NCBP3: variants seen among roughly 807,000 people sequenced by gnomAD.
NCBP3 encodes nuclear cap-binding protein subunit 3.
NCBP3 carries 20 observed loss-of-function variants against 75.7 expected under a neutral mutation model. That is an observed-to-expected ratio of 0.26 (90% CI 0.19 to 0.38). The LOEUF is 0.38. Ranked by LOEUF, NCBP3 falls within the 10% of genes least tolerant of loss-of-function variation. The probability of loss-of-function intolerance (pLI) is 1.00; values close to 1 mark genes in which losing one functional copy is unlikely to be tolerated. For synonymous variants in NCBP3, 293 were observed against 290.5 expected (o/e 1.01, Z -0.09); for missense variants, 678 against 796.9 (o/e 0.85, Z 1.80).
At chr17:3,815,360 A>G (rs562951080) in intron 11 of NCBP3, among the ~76,000 whole-genome samples, 4 of 152,330 alleles carry the variant, frequency 2.6e-5, no homozygotes, top group African/African-American at 9.6e-5. Context: ...CTTCCCGAGT[A>G]GATCTATGAC....
At chr17:3,842,567 A>G (rs113805022) in intron 2 of NCBP3, among the ~76,000 whole-genome samples, 1 of 152,212 alleles carries the variant, frequency 6.6e-6, no homozygotes, top group Non-Finnish European at 1.5e-5. Context: ...ACGGTTCAAC[A>G]CAGGTATCTA....
At position 3,803,355 on chromosome 17, in the gene NCBP3, G is replaced by A. The variant is rs745849376; in HGVS notation, c.*9689C>T. ...GCGCTTGATCCTGGATTGGATCCTG[G>A]ACCAGAAAAACAACGGCTTTCAAAA... On this transcript the variant is annotated 3_prime_UTR_variant, in exon 13 of 13. Coordinates refer to ENST00000389005, the MANE Select transcript of NCBP3 (RefSeq NM_001114118.3). 5 of 152,190 alleles carry A rather than the reference G, an allele frequency of 3.3e-5. No individual in the cohort carries two copies. The highest frequency in any genetic ancestry group is 2.1e-4 in the South Asian group (1 of 4,828). The allele number at this position is 152,190 out of a possible 1,614,324, so 9.4% of individuals were successfully genotyped here.
rs778796080 is a variant in NCBP3 at position 3,822,008 on chromosome 17, T to C, written c.841A>G (p.Met281Val). 6.8e-6 allele frequency: 11 copies of C among 1,613,490 alleles called. No individual in the cohort carries two copies. The highest frequency in any genetic ancestry group is 1.7e-4 in the Middle Eastern group (1 of 6,060). ...CCATAATTTGGATTCCCATATTTCA[T>C]GTAATACTGACTTCTTCTGGCTGCT... Reference protein sequence around the residue: ...LGAARRSQYYMKYGNPNYGGM... With the variant: ...LGAARRSQYYVKYGNPNYGGM... Residue 281 changes from methionine (M) to valine (V), a missense_variant, in exon 8 of 13, where the codon ATG (methionine) becomes GTG (valine). Physicochemically the swap from Met to Val is conservative, Grantham distance 21 (BLOSUM62 1). Around this residue, in one of 7 missense-constraint regions of NCBP3, gnomAD observed 38 missense variants for 78.9 expected, o/e 0.48. Coordinates refer to ENST00000389005, the MANE Select transcript of NCBP3 (RefSeq NM_001114118.3).
At chr17:3,815,007 G>C (rs993791751) in intron 11 of NCBP3, among the ~76,000 whole-genome samples, 11 of 152,108 alleles carry the variant, frequency 7.2e-5, no homozygotes, top group Non-Finnish European at 4.4e-5. Flanking sequence ...TCGTTGGTGA[G>C]GCCCTGTGCC....
intron 3 of NCBP3, among the ~76,000 whole-genome samples, chr17:3,830,258 T>G (rs1463123127): frequency 6.6e-6 from 1 of 152,208 alleles, no homozygotes; most frequent in Non-Finnish European, 1.5e-5. Context: ...CGAAGATGTT[T>G]GCTAAGGCAC....
rs1219691483 is a variant in NCBP3, at chr17:3,811,401, C to T, written c.*1643G>A. 6.6e-6 allele frequency: 1 copy of T among 152,174 alleles called. No homozygotes were observed. The highest frequency in any genetic ancestry group is 2.4e-5 in the African/African-American group (1 of 41,422). The allele number at this position is 152,174 out of a possible 1,614,324, so 9.4% of individuals were successfully genotyped here. ...CTTAAGTCTCAACTGGCAGAGAAAC[C>T]AGAACCATCTCTTTCCTAGAATCCT... On this transcript the variant is annotated 3_prime_UTR_variant, in exon 13 of 13. Coordinates refer to ENST00000389005, the MANE Select transcript of NCBP3 (RefSeq NM_001114118.3).
Position 3,818,796 on chromosome 17 carries a change from T to G in NCBP3, c.1001-224A>C, listed in dbSNP as rs2053604924. ...GCCTAACCAAATACCATAAAGTCAT[T>G]TAAAATACAACTGACCTTTATTATT... On this transcript the variant is annotated intron_variant, in intron 9 of 12. Coordinates refer to ENST00000389005, the MANE Select transcript of NCBP3 (RefSeq NM_001114118.3). The surrounding 1 kb of genome is among the most constrained non-coding windows in gnomAD (Gnocchi z 4.7). Among the ~76,000 whole-genome samples, 1 of 152,168 alleles carries G rather than the reference T, an allele frequency of 6.6e-6. No homozygotes were observed. The highest frequency in any genetic ancestry group is 6.5e-5 in the Admixed American group (1 of 15,278).
Position 3,803,791 on chromosome 17 carries a change from G to C in NCBP3, c.*9253C>G, listed in dbSNP as rs926851247. The C allele has an allele frequency of 6.6e-6, 1 of 152,130 alleles. No homozygotes were observed. Among genetic ancestry groups the C allele is most frequent in the Admixed American group, 6.6e-5 (1 of 15,266 alleles). 9.4% of individuals were successfully genotyped at this position (152,130 alleles called of 1,614,324 possible). On this transcript the variant is annotated 3_prime_UTR_variant, in exon 13 of 13. Coordinates refer to ENST00000389005, the MANE Select transcript of NCBP3 (RefSeq NM_001114118.3). Reference sequence around the variant, plus strand: ...AATAAAGTTTTTAAAAAATGGGCAGGTGGGCCAGGCGCGGTGGCTCACGCC... The same window carrying C: ...AATAAAGTTTTTAAAAAATGGGCAGCTGGGCCAGGCGCGGTGGCTCACGCC...
In NCBP3 at chr17:3,822,031, G is replaced by A. The variant is rs1306128312; in HGVS notation, c.818C>T (p.Ala273Val). The A allele has an allele frequency of 6.2e-7, 1 of 1,609,746 alleles. No individual in the cohort carries two copies. Among genetic ancestry groups the A allele is most frequent in the African/African-American group, 1.3e-5 (1 of 74,690 alleles). The change falls in exon 8 of 13, where the codon GCA (alanine) becomes GTA (valine). Residue 273 changes from alanine to valine, a missense_variant. By Grantham distance (64) the Ala-to-Val change is moderately conservative. Transcript: ENST00000389005. ...CATGTAATACTGACTTCTTCTGGCT[G>A]CTCCAAGTTCCTTTTTGTCATCTAA... ...ATKDDKKELG[A>V]ARRSQYYMKY...
At chr17:3,842,561 T>G (rs1193868170) in intron 2 of NCBP3, among the ~76,000 whole-genome samples, 1 of 152,190 alleles carries the variant, frequency 6.6e-6, no homozygotes, top group Non-Finnish European at 1.5e-5. Flanking sequence ...TTGGAAACGG[T>G]TCAACACAGG....
rs2053389358 is a variant in NCBP3 at position 3,810,309 on chromosome 17, C to T, written c.*2735G>A. ...GAGAGGGGTTCACAGGATCAGACTACAAGGGGGCCAGAGGAGGAGACTACA... is the reference window on the plus strand; with the variant it reads ...GAGAGGGGTTCACAGGATCAGACTATAAGGGGGCCAGAGGAGGAGACTACA... On this transcript the variant is annotated 3_prime_UTR_variant, in exon 13 of 13. Coordinates refer to ENST00000389005, the MANE Select transcript of NCBP3 (RefSeq NM_001114118.3). 6.6e-6 allele frequency: 1 copy of T among 152,180 alleles called. No homozygotes were observed. The highest frequency in any genetic ancestry group is 2.4e-5 in the African/African-American group (1 of 41,402). The allele number at this position is 152,180 out of a possible 1,614,324, so 9.4% of individuals were successfully genotyped here.
chr17:3,840,598 C>T (rs16953516), intron 2 of NCBP3, among the ~76,000 whole-genome samples: 2,500 of 152,162 alleles, frequency 0.016, 32 homozygotes, highest in South Asian at 0.031. Flanking sequence ...GAAATGGAGG[C>T]ACAAAAAAGC....
At chr17:3,823,415 A>G (rs2053708863) in intron 7 of NCBP3, among the ~76,000 whole-genome samples, 1 of 152,184 alleles carries the variant, frequency 6.6e-6, no homozygotes, top group Non-Finnish European at 1.5e-5. Flanking sequence ...TAAAGAATCC[A>G]TGATTCTAAA....
In NCBP3 at chr17:3,831,619, C is replaced by T. The variant is rs184815106; in HGVS notation, c.356-2251G>A. Among the ~76,000 whole-genome samples, 13 of 120,886 alleles carry T rather than the reference C, an allele frequency of 1.1e-4. 4 individuals are homozygous for T. The East Asian group carries it at 3.3e-3, about 31-fold the overall frequency. The allele number at this position is 120,886 out of a possible 152,430, so 79.3% of individuals were successfully genotyped here. ...TAAATTTAAAATATCTATATATCTA[C>T]TACCTAGCTTTATGCTTAATTCGTT... On this transcript the variant is annotated intron_variant, in intron 3 of 12. Coordinates refer to ENST00000389005, the MANE Select transcript of NCBP3 (RefSeq NM_001114118.3).
chr17:3,814,215 G>T, intron 12 of NCBP3, 107 bp downstream of exon 12: 1 of 1,083,056 alleles, frequency 9.2e-7, no homozygotes, highest in Non-Finnish European at 1.4e-6. Context: ...ACTTATATTT[G>T]GCGTGGGCTG....
intron 4 of NCBP3, among the ~76,000 whole-genome samples, chr17:3,828,655 A>C (rs1403618955): frequency 1.3e-5 from 2 of 152,136 alleles, no homozygotes; most frequent in African/African-American, 4.8e-5. Context: ...TAAAAATTAC[A>C]GTTGGCCCAC....
At chr17:3,829,991 G>A (rs1329434212) in intron 3 of NCBP3, among the ~76,000 whole-genome samples, 1 of 152,120 alleles carries the variant, frequency 6.6e-6, no homozygotes, top group Non-Finnish European at 1.5e-5. Context: ...CAGTTTTCAC[G>A]GACCAGATTT....
intron 1 of NCBP3, among the ~76,000 whole-genome samples, chr17:3,844,128 C>A (rs1048831392): frequency 6.6e-6 from 1 of 152,208 alleles, no homozygotes; most frequent in African/African-American, 2.4e-5. Context: ...TGGAGCACAA[C>A]CCTCCACCTC....
chr17:3,837,925 G>A (rs1055940036), intron 3 of NCBP3, among the ~76,000 whole-genome samples: 2 of 151,788 alleles, frequency 1.3e-5, no homozygotes, highest in Admixed American at 6.6e-5. Flanking sequence ...TCCCACGGCC[G>A]ACCTTACTGC....
Sources: allele counts gnomAD v4.1 joint callset (sites outside exome capture counted in the v4.1 genomes callset), GRCh38; gene constraint gnomAD v4.1.1; regional missense constraint gnomAD v4.1.1; non-coding constraint Gnocchi (gnomAD v3.1); transcripts MANE v1.5; gene names NCBI Gene and HGNC (gene_info 2026-07-23, HGNC 2026-07-21).